Variants in PTPRN2 observed in about 807,000 individuals in gnomAD.
PTPRN2 encodes receptor-type tyrosine-protein phosphatase N2.
In PTPRN2, 74 loss-of-function variants were observed where a neutral mutation model predicts 118.8. That is an observed-to-expected ratio of 0.62 (90% confidence interval 0.52 to 0.76). The LOEUF is 0.76. Among genes scored for constraint, PTPRN2 ranks in the 30% least tolerant of loss-of-function variants. The pLI is 0.00. For missense variants in PTPRN2, 1,481 were observed against 1,394.4 expected, an observed-to-expected ratio of 1.06 and a Z score of -0.99; for synonymous variants, 641 against 608.0, an observed-to-expected ratio of 1.05 and a Z score of -0.80.
chr7:157,981,980 G>C lies in PTPRN2; in HGVS notation c.1724-83243C>G, dbSNP rs1003647109. Among the ~76,000 whole-genome samples the C allele has an allele frequency of 4.4e-3, 589 of 134,942 alleles. 17 individuals are homozygous for C. The highest frequency in any genetic ancestry group is 0.029 in the Admixed American group (379 of 12,918). 88.5% of individuals were successfully genotyped at this position (134,942 alleles called of 152,430 possible). The stretch of plus-strand genomic sequence containing the variant: ...AGGGGAATGCAGAGTGCAGGGTACC[G>C]CCCAGAACCCCTGAGTCATAGAGAC... On this transcript the variant is annotated intron_variant, in intron 11 of 22. Transcript: ENST00000389418.
chr7:158,224,264 G>C (rs578101150), intron 3 of PTPRN2, among the ~76,000 whole-genome samples: 24 of 152,234 alleles, frequency 1.6e-4, no homozygotes, highest in African/African-American at 4.3e-4. Context: ...CAAGTTATAT[G>C]GAAGAGCAAA....
At chr7:157,575,113 A>G (rs539426710) in intron 19 of PTPRN2, among the ~76,000 whole-genome samples, 1 of 152,344 alleles carries the variant, frequency 6.6e-6, no homozygotes, top group East Asian at 1.9e-4. Context: ...CCGTCCATAT[A>G]TGGATATGGA....
At chr7:157,883,548 G>A (rs1404967353) in intron 12 of PTPRN2, among the ~76,000 whole-genome samples, 1 of 146,040 alleles carries the variant, frequency 6.8e-6, no homozygotes, top group Non-Finnish European at 1.5e-5. Context: ...CCCTAAAACC[G>A]ACTGTCAGAG....
At chr7:157,781,234 T>C (rs1466999127) in intron 12 of PTPRN2, among the ~76,000 whole-genome samples, 1 of 152,228 alleles carries the variant, frequency 6.6e-6, no homozygotes, top group Non-Finnish European at 1.5e-5. Flanking sequence ...TGATTTGATA[T>C]ATTACACATG....
rs1009157276 is a variant in PTPRN2, at chr7:157,860,883, A to G, written c.1788+37790T>C. 1.5e-4 allele frequency among the ~76,000 whole-genome samples: 23 copies of G among 152,340 alleles called. 1 individual carries two copies. Among genetic ancestry groups the G allele is most frequent in the Admixed American group, 1.4e-3 (22 of 15,298 alleles). ...GCTGGCCGGGTGCATTTCTATTTCT[A>G]GTTTTTCACGGAACTGACCAGGCAA... On this transcript the variant is annotated intron_variant, in intron 12 of 22. Coordinates refer to ENST00000389418, the MANE Select transcript of PTPRN2 (RefSeq NM_002847.5).
intron 11 of PTPRN2, among the ~76,000 whole-genome samples, chr7:158,062,791 G>A (rs1328605078): frequency 6.6e-6 from 1 of 152,216 alleles, no homozygotes; most frequent in Non-Finnish European, 1.5e-5. Context: ...TTCTTGCTGG[G>A]CCTCAGCTGC....
chr7:158,214,231 C>T (rs1368328706), intron 3 of PTPRN2, among the ~76,000 whole-genome samples: 1 of 151,972 alleles, frequency 6.6e-6, no homozygotes, highest in Non-Finnish European at 1.5e-5. Flanking sequence ...CCACTAAGTA[C>T]AACTAAAATC....
chr7:158,414,156 A>G (rs796599418), intron 2 of PTPRN2, among the ~76,000 whole-genome samples: 74 of 151,868 alleles, frequency 4.9e-4, no homozygotes, highest in African/African-American at 1.7e-3. Context: ...TCCTCTACCA[A>G]GTGAGTACCG....
intron 11 of PTPRN2, among the ~76,000 whole-genome samples, chr7:158,019,792 T>G (rs1376468456): frequency 6.6e-6 from 1 of 152,162 alleles, no homozygotes. Flanking sequence ...CCGCGCAGCA[T>G]GAAACGGACC....
At chr7:158,331,324 CCACAGAGG>C (rs1563151660) in intron 2 of PTPRN2, among the ~76,000 whole-genome samples, 27 of 133,776 alleles carry the variant, frequency 2.0e-4, no homozygotes, top group African/African-American at 7.7e-4. Context: ...GAGCTGAGGC[CCACAGAGG>C]TCACTCACAC....
intron 12 of PTPRN2, among the ~76,000 whole-genome samples, chr7:157,833,266 C>T (rs1365885038): frequency 2.8e-5 from 4 of 144,284 alleles, no homozygotes; most frequent in Non-Finnish European, 4.5e-5. Context: ...ATTGTAAACT[C>T]GTCCAGGAAG....
rs1338409916 is a variant in PTPRN2, at chr7:158,438,414, T to C, written c.163+51321A>G. On this transcript the variant is annotated intron_variant, in intron 2 of 22. Transcript: ENST00000389418. This position sits in a 1 kb window ranked among gnomAD's most constrained non-coding sequence, Gnocchi z 4.7. ...TTTATTTTTAATTGACAAATAATTG[T>C]ACATATTTATGGGCTACGGTGTGAT... 6.6e-6 allele frequency among the ~76,000 whole-genome samples: 1 copy of C among 151,978 alleles called. No homozygotes were observed. Among genetic ancestry groups the C allele is most frequent in the Non-Finnish European group, 1.5e-5 (1 of 67,968 alleles).
At chr7:158,504,822 TA>T (rs1822626168) in intron 1 of PTPRN2, among the ~76,000 whole-genome samples, 1 of 152,250 alleles carries the variant, frequency 6.6e-6, no homozygotes, top group African/African-American at 2.4e-5. Context: ...TATTTCCCAT[TA>T]AAAATAATAC....
chr7:158,149,597 G>A (rs368498572), intron 6 of PTPRN2, among the ~76,000 whole-genome samples: 1 of 152,166 alleles, frequency 6.6e-6, no homozygotes, highest in African/African-American at 2.4e-5. Context: ...GAGGTCAGGA[G>A]TTCGAGACCA....
intron 12 of PTPRN2, among the ~76,000 whole-genome samples, chr7:157,838,113 C>G (rs908629198): frequency 1.2e-4 from 18 of 149,258 alleles, no homozygotes; most frequent in African/African-American, 4.0e-4. Flanking sequence ...TATGCCTACT[C>G]CAGTTCCTCT....
chr7:158,239,584 G>A (rs1420283132), intron 3 of PTPRN2, among the ~76,000 whole-genome samples: 1 of 152,288 alleles, frequency 6.6e-6, no homozygotes, highest in East Asian at 1.9e-4. Flanking sequence ...TGCGGCCCCT[G>A]CCACTGCACT....
intron 3 of PTPRN2, among the ~76,000 whole-genome samples, chr7:158,274,566 T>C (rs951184167): frequency 6.7e-6 from 1 of 150,160 alleles, no homozygotes; most frequent in African/African-American, 2.4e-5. Flanking sequence ...CACTCCGGGA[T>C]CTAGCGTGTG....
At chr7:158,436,245 T>G (rs984083688) in intron 2 of PTPRN2, among the ~76,000 whole-genome samples, 2 of 152,262 alleles carry the variant, frequency 1.3e-5, no homozygotes, top group Non-Finnish European at 2.9e-5. Context: ...CTGCCTGCCT[T>G]GTTTCCTGGT....
Position 158,205,183 on chromosome 7 carries a change from G to C in PTPRN2, c.368C>G (p.Ser123Cys), listed in dbSNP as rs1338330838. 5 of 1,613,740 alleles carry C rather than the reference G, an allele frequency of 3.1e-6. No homozygotes were observed. Among genetic ancestry groups the C allele is most frequent in the Non-Finnish European group, 4.2e-6 (5 of 1,179,718 alleles). Residue 123 changes from serine (S) to cysteine (C), a missense_variant, in exon 4 of 23, where the codon TCC (serine) becomes TGC (cysteine). Ser to Cys is a moderately radical substitution (Grantham distance 112, BLOSUM62 -1). This residue lies in a region of PTPRN2 where 1,115 missense variants were observed against 994.2 expected (regional missense o/e 1.12). Transcript: ENST00000389418. ...PKTYLRRPEA[S>C]SPARPSKHSV... ...CGTCCACACTTACCTGGCTGGGCTG[G>C]ATGCTTCAGGACGCCTCAGGTAGGT... is the stretch of plus-strand genomic sequence containing the variant.
Sources: allele counts gnomAD v4.1 joint callset (sites outside exome capture counted in the v4.1 genomes callset), GRCh38; gene constraint gnomAD v4.1.1; regional missense constraint gnomAD v4.1.1; non-coding constraint Gnocchi (gnomAD v3.1); transcripts MANE v1.5; gene names NCBI Gene and HGNC (gene_info 2026-07-23, HGNC 2026-07-21).